The following PCDHA7 variants were observed in gnomAD, a reference collection of about 807,000 sequenced individuals.
PCDHA7 encodes protocadherin alpha 7, also known as protocadherin alpha-7.
In PCDHA7, 37 loss-of-function variants were observed where a neutral mutation model predicts 57.2. That is an observed-to-expected ratio of 0.65 (90% CI 0.50 to 0.85). PCDHA7 has a LOEUF of 0.85. Ranked by LOEUF, PCDHA7 falls within the 40% of genes least tolerant of loss-of-function variation. The probability of loss-of-function intolerance (pLI) is 0.00; values close to 1 mark genes in which losing one functional copy is unlikely to be tolerated. For synonymous variants in PCDHA7, 553 were observed against 558.8 expected (o/e 0.99, Z 0.15); for missense variants, 1,188 against 1,241.8 (o/e 0.96, Z 0.65).
chr5:140,960,395 AG>A (rs562972971), intron 1 of PCDHA7, among the ~76,000 whole-genome samples: 1 of 152,150 alleles, frequency 6.6e-6, no homozygotes, highest in African/African-American at 2.4e-5. Context: ...TTAGGATGCA[AG>A]GGGGGGTGCC....
At chr5:140,858,105 C>A (rs782612207) in intron 1 of PCDHA7, 2 of 1,597,672 alleles carry the variant, frequency 1.3e-6, no homozygotes, top group East Asian at 2.2e-5. Context: ...GTGGGCGTGG[C>A]GCCCGAGGTG....
chr5:140,863,403 C>A (rs1554158174), intron 1 of PCDHA7: 1 of 835,368 alleles, frequency 1.2e-6, no homozygotes, highest in South Asian at 1.3e-5. Flanking sequence ...CGGGCAAGCC[C>A]ACGCTGGTGT....
In PCDHA7 at chr5:140,838,075, ATAGTGTGTGTGTGTGTGT is replaced by A. The variant is rs1389630911; in HGVS notation, c.2355+1338_2355+1355del. ...GTTTTCCACTTTAAGTTATATATAT[ATAGTGTGTGTGTGTGTGT>A]GTGTGTGTGTGTGTGTGTGTGTGTG... On this transcript the variant is annotated intron_variant, in intron 1 of 3. Coordinates refer to ENST00000525929, the MANE Select transcript of PCDHA7 (RefSeq NM_018910.3). Among the ~76,000 whole-genome samples the A allele has an allele frequency of 3.2e-3, 416 of 128,230 alleles. 8 individuals are homozygous for A. The highest frequency in any genetic ancestry group is 9.2e-3 in the African/African-American group (302 of 32,656). The allele number at this position is 128,230 out of a possible 152,430, so 84.1% of individuals were successfully genotyped here.
chr5:140,951,683 A>G (rs1389313679), intron 1 of PCDHA7, among the ~76,000 whole-genome samples: 1 of 152,160 alleles, frequency 6.6e-6, no homozygotes, highest in Non-Finnish European at 1.5e-5. Flanking sequence ...TGGGGATTAC[A>G]ATGTGACATG....
chr5:141,009,573 G>T, intron 3 of PCDHA7, 54 bp from the exon 4 acceptor site: 2 of 1,580,662 alleles, frequency 1.3e-6, no homozygotes, highest in South Asian at 1.2e-5. Context: ...CAGCAGTGTG[G>T]CATCAAGAGC....
intron 1 of PCDHA7, chr5:140,968,266 G>A: frequency 6.2e-7 from 1 of 1,614,080 alleles, no homozygotes; most frequent in Non-Finnish European, 8.5e-7. Context: ...ATGAAAAGGA[G>A]AATGCAGAGG....
intron 1 of PCDHA7, among the ~76,000 whole-genome samples, chr5:140,912,063 A>C (rs1458411803): frequency 6.6e-6 from 1 of 152,214 alleles, no homozygotes; most frequent in Non-Finnish European, 1.5e-5. Context: ...CTTGGAGTCC[A>C]ATGTTCAAGG....
intron 1 of PCDHA7, among the ~76,000 whole-genome samples, chr5:140,941,438 C>G (rs1408570275): frequency 6.6e-6 from 1 of 150,766 alleles, no homozygotes; most frequent in East Asian, 1.9e-4. Flanking sequence ...GCCTCAGCCT[C>G]GGGAGTAGCT....
chr5:140,861,667 T>G (rs1459883845), intron 1 of PCDHA7: 1 of 254,356 alleles, frequency 3.9e-6, no homozygotes, highest in Admixed American at 4.6e-5. Context: ...CGAGAGCTCT[T>G]GATTATCGTG....
At chr5:140,953,398 C>G (rs1247752047) in intron 1 of PCDHA7, among the ~76,000 whole-genome samples, 9 of 152,150 alleles carry the variant, frequency 5.9e-5, no homozygotes, top group Non-Finnish European at 7.3e-5. Flanking sequence ...GATTACAGTG[C>G]TGTTGCTCCT....
At chr5:141,003,913 T>C (rs1554259375) in intron 3 of PCDHA7, among the ~76,000 whole-genome samples, 1 of 152,206 alleles carries the variant, frequency 6.6e-6, no homozygotes, top group African/African-American at 2.4e-5. Flanking sequence ...GGGTCTTGAC[T>C]GCATCCTCAG....
intron 1 of PCDHA7, chr5:140,858,448 C>A (rs1554151646): frequency 3.3e-6 from 5 of 1,532,196 alleles, no homozygotes; most frequent in African/African-American, 1.4e-5. Context: ...TGGGTTATTA[C>A]GTTTTCATTT....
chr5:140,926,659 C>T, intron 1 of PCDHA7: 1 of 531,904 alleles, frequency 1.9e-6, no homozygotes, highest in Non-Finnish European at 3.0e-6. Context: ...CTCCGCTTTC[C>T]CAGACGGCTG....
chr5:140,968,307 A>G (rs1554230602), intron 1 of PCDHA7: 1 of 1,613,964 alleles, frequency 6.2e-7, no homozygotes, highest in South Asian at 1.1e-5. Context: ...AGGGAGATTC[A>G]AGGGCTGCCA....
chr5:140,896,615 G>A (rs1293256212), intron 1 of PCDHA7, among the ~76,000 whole-genome samples: 4 of 151,782 alleles, frequency 2.6e-5, no homozygotes, highest in African/African-American at 9.7e-5. Context: ...GGTCTTAAGT[G>A]ATCCACCTGC....
intron 1 of PCDHA7, among the ~76,000 whole-genome samples, chr5:140,911,460 G>A (rs1346001317): frequency 1.3e-5 from 2 of 152,140 alleles, no homozygotes; most frequent in African/African-American, 4.8e-5. Context: ...TTTCTCTACA[G>A]GAGATAAGAC....
rs1563652468 is a variant in PCDHA7 at position 141,000,419 on chromosome 5, A to AT, written c.2504-9207dup. The stretch of plus-strand genomic sequence containing the variant: ...TCTATATATATATATATATATATAT[A>AT]TATTTTTTTTTTTTTTTTTTTTTTT... On this transcript the variant is annotated intron_variant, in intron 3 of 3. Transcript: ENST00000525929. 4.4e-3 allele frequency among the ~76,000 whole-genome samples: 271 copies of AT among 60,978 alleles called. 1 individual carries two copies. The highest frequency in any genetic ancestry group is 5.9e-3 in the Non-Finnish European group (210 of 35,644). The allele number at this position is 60,978 out of a possible 152,430, so 40.0% of individuals were successfully genotyped here.
intron 1 of PCDHA7, among the ~76,000 whole-genome samples, chr5:140,937,756 C>CA (rs2091723973): frequency 1.3e-5 from 2 of 151,360 alleles, no homozygotes; most frequent in African/African-American, 4.9e-5. Flanking sequence ...ACTAAAAATA[C>CA]AAAAAATTAG....
intron 1 of PCDHA7, among the ~76,000 whole-genome samples, chr5:140,971,717 T>C (rs2096494226): frequency 6.6e-6 from 1 of 152,012 alleles, no homozygotes; most frequent in Non-Finnish European, 1.5e-5. Flanking sequence ...TATAGATATA[T>C]GTATATCATA....
Sources: allele counts gnomAD v4.1 joint callset (sites outside exome capture counted in the v4.1 genomes callset), GRCh38; gene constraint gnomAD v4.1.1; transcripts MANE v1.5; gene names NCBI Gene and HGNC (gene_info 2026-07-23, HGNC 2026-07-21).